The following ATP8A2 variants were observed in gnomAD, a reference collection of about 807,000 sequenced individuals.
ATP8A2 encodes ATPase phospholipid transporting 8A2.
ATP8A2 carries 100 observed loss-of-function variants against 165.6 expected under a neutral mutation model. The ratio of observed to expected loss-of-function variants is 0.60; its 90% CI spans 0.51 to 0.71. ATP8A2 has a LOEUF of 0.71. Ranked by LOEUF, ATP8A2 falls within the 30% of genes least tolerant of loss-of-function variation. The probability of loss-of-function intolerance (pLI) is 0.00; values close to 1 mark genes in which losing one functional copy is unlikely to be tolerated. For synonymous variants in ATP8A2, 543 were observed against 548.8 expected, an observed-to-expected ratio of 0.99 and a Z score of 0.15; for missense variants, 1,227 against 1,479.5, an observed-to-expected ratio of 0.83 and a Z score of 2.80.
At chr13:25,423,628 T>A (rs1245666751) in intron 1 of ATP8A2, among the ~76,000 whole-genome samples, 1 of 152,218 alleles carries the variant, frequency 6.6e-6, no homozygotes, top group Non-Finnish European at 1.5e-5. Flanking sequence ...TCAGTCTTTT[T>A]AGGTTGTGCA....
chr13:25,505,088 G>C (rs1228134564), intron 2 of ATP8A2, among the ~76,000 whole-genome samples: 2 of 151,144 alleles, frequency 1.3e-5, no homozygotes, highest in Non-Finnish European at 2.9e-5. Context: ...GTATGTGTTG[G>C]TTTTAGAATT....
intron 1 of ATP8A2, among the ~76,000 whole-genome samples, chr13:25,418,710 G>A (rs1384353343): frequency 1.3e-5 from 2 of 151,832 alleles, no homozygotes; most frequent in African/African-American, 2.4e-5. Flanking sequence ...GGATGATTTT[G>A]TATCGCCTTC....
At chr13:26,005,400 C>G (rs1956718317) in intron 35 of ATP8A2, among the ~76,000 whole-genome samples, 1 of 151,866 alleles carries the variant, frequency 6.6e-6, no homozygotes, top group Non-Finnish European at 1.5e-5. Context: ...CTTTTAGTTT[C>G]ACTGATATTT....
chr13:25,436,486 C>G (rs919199487), intron 1 of ATP8A2, among the ~76,000 whole-genome samples: 6 of 152,076 alleles, frequency 3.9e-5, no homozygotes, highest in African/African-American at 1.4e-4. Context: ...GTATATGTAT[C>G]ACATTTTCTT....
rs757998700 is a variant in ATP8A2, at chr13:25,564,004, G to T, written c.1446G>T (p.Arg482Ser). Residue 482 changes from arginine (R) to serine (S), a missense_variant, in exon 16 of 37, where the codon AGG becomes AGT. Coordinates refer to ENST00000381655, the MANE Select transcript of ATP8A2 (RefSeq NM_016529.6). ...ATTCCTGTGACTTTGATGACCCCAG[G>T]CTGTTGAAGAACATTGAGGATCGCC... The part of the protein sequence containing the change: ...CSDSCDFDDP[R>S]LLKNIEDRHP... 2.5e-6 allele frequency: 4 copies of T among 1,613,436 alleles called. No individual in the cohort carries two copies. Among genetic ancestry groups the T allele is most frequent in the Admixed American group, 3.3e-5 (2 of 59,996 alleles).
chr13:25,667,481 C>T (rs965454608), intron 24 of ATP8A2, among the ~76,000 whole-genome samples: 3 of 152,154 alleles, frequency 2.0e-5, no homozygotes, highest in Admixed American at 6.5e-5. Context: ...TCCCTTAAGA[C>T]ATCCTTTGCA....
At chr13:25,997,683 G>A (rs1024800521) in intron 35 of ATP8A2, among the ~76,000 whole-genome samples, 1 of 151,584 alleles carries the variant, frequency 6.6e-6, no homozygotes, top group East Asian at 1.9e-4. Context: ...GTTCACTAAC[G>A]ATTTCCTCTG....
intron 2 of ATP8A2, among the ~76,000 whole-genome samples, chr13:25,469,421 C>T (rs1352830153): frequency 1.3e-5 from 2 of 152,372 alleles, no homozygotes; most frequent in Non-Finnish European, 2.9e-5. Context: ...CTGCTCTTTT[C>T]ATCCCTGGGC....
intron 27 of ATP8A2, among the ~76,000 whole-genome samples, chr13:25,787,083 A>G (rs1010444989): frequency 6.6e-6 from 1 of 152,180 alleles, no homozygotes; most frequent in African/African-American, 2.4e-5. Flanking sequence ...GTCCCCAGCC[A>G]TAGTACTATG....
chr13:25,527,230 A>G (rs1045174554), intron 2 of ATP8A2, among the ~76,000 whole-genome samples: 1 of 152,306 alleles, frequency 6.6e-6, no homozygotes, highest in Admixed American at 6.5e-5. Context: ...AATTAAATTC[A>G]AATAGGAAGT....
intron 24 of ATP8A2, among the ~76,000 whole-genome samples, chr13:25,655,121 G>A (rs2041899488): frequency 6.6e-6 from 1 of 152,142 alleles, no homozygotes; most frequent in Non-Finnish European, 1.5e-5. Flanking sequence ...CCCATGGTGG[G>A]TGGTCTGATG....
At chr13:25,860,315 C>A in intron 31 of ATP8A2, 59 bp downstream of exon 31, 1 of 1,039,022 alleles carries the variant, frequency 9.6e-7, no homozygotes, top group Non-Finnish European at 1.5e-6. Flanking sequence ...GCTTGCACTT[C>A]TCTAAACCCT....
At chr13:25,829,720 A>C (rs1272566389) in intron 28 of ATP8A2, among the ~76,000 whole-genome samples, 9 of 103,570 alleles carry the variant, frequency 8.7e-5, no homozygotes, top group African/African-American at 2.2e-4. Flanking sequence ...ATATATATAT[A>C]TCACCTGCTT....
chr13:25,999,078 A>C (rs1410392117), intron 35 of ATP8A2, among the ~76,000 whole-genome samples: 1 of 152,238 alleles, frequency 6.6e-6, no homozygotes, highest in Non-Finnish European at 1.5e-5. Flanking sequence ...TTGTGGAGAC[A>C]CAACATAAGA....
intron 2 of ATP8A2, among the ~76,000 whole-genome samples, chr13:25,505,652 C>T (rs902269259): frequency 6.6e-6 from 1 of 152,278 alleles, no homozygotes; most frequent in Non-Finnish European, 1.5e-5. Context: ...ATCCCTGTTT[C>T]GCTCCGCAGG....
chr13:25,497,783 G>A (rs905235750), intron 2 of ATP8A2, among the ~76,000 whole-genome samples: 1 of 151,926 alleles, frequency 6.6e-6, no homozygotes, highest in Non-Finnish European at 1.5e-5. Context: ...GTGAAACCCT[G>A]TCTCTACTAA....
chr13:25,685,834 T>C (rs879018200), intron 24 of ATP8A2, among the ~76,000 whole-genome samples: 11 of 152,234 alleles, frequency 7.2e-5, no homozygotes, highest in Admixed American at 5.2e-4. Context: ...CTGCCTTCCA[T>C]GGTAACAGGG....
At chr13:25,763,360 T>C (rs1433278110) in intron 25 of ATP8A2, among the ~76,000 whole-genome samples, 1 of 152,144 alleles carries the variant, frequency 6.6e-6, no homozygotes, top group Non-Finnish European at 1.5e-5. Context: ...CGTTGTTGCA[T>C]CTCTCTAAGG....
rs150468226 is a variant in ATP8A2, at chr13:25,769,220, C to T, written c.2559C>T (p.Ala853=). The part of the protein sequence containing the change: ...GMQATNNSDY[A]IAQFSYLEKL... ...AGGCCACCAACAACTCGGATTACGC[C>T]ATCGCACAGGTCAGCAGCTTGGGCG... Residue 853 remains alanine (A), a synonymous_variant, in exon 26 of 37, where the codon GCC becomes GCT. Coordinates refer to ENST00000381655, the MANE Select transcript of ATP8A2 (RefSeq NM_016529.6). 1,194 of 1,610,612 alleles carry T rather than the reference C, an allele frequency of 7.4e-4. 12 individuals are homozygous for T. In the African/African-American group the frequency reaches 0.014, roughly 19 times the overall value.
Sources: allele counts gnomAD v4.1 joint callset (sites outside exome capture counted in the v4.1 genomes callset), GRCh38; gene constraint gnomAD v4.1.1; transcripts MANE v1.5; gene names NCBI Gene and HGNC (gene_info 2026-07-23, HGNC 2026-07-21).